ADCY6: variants seen among roughly 807,000 people sequenced by gnomAD.
ADCY6 encodes the protein adenylate cyclase type 6.
In ADCY6, 59 loss-of-function variants were observed where a neutral mutation model predicts 111.6. That is an observed-to-expected ratio of 0.53 (90% CI 0.43 to 0.66). ADCY6 has a LOEUF of 0.66. Among genes scored for constraint, ADCY6 ranks in the 30% least tolerant of loss-of-function variants. ADCY6 has a pLI of 0.00. For missense variants in ADCY6, 1,242 were observed against 1,595.6 expected, an observed-to-expected ratio of 0.78 and a Z score of 3.78; for synonymous variants, 576 against 642.9, an observed-to-expected ratio of 0.90 and a Z score of 1.57.
intron 15 of ADCY6, 80 bp from the exon 16 acceptor site, chr12:48,773,727 G>A: frequency 6.4e-7 from 1 of 1,567,726 alleles, no homozygotes; most frequent in East Asian, 2.3e-5. Context: ...GCACTCTCCT[G>A]CCTGACCTAA....
Position 48,771,818 on chromosome 12 carries a change from C to T in ADCY6, c.2943G>A (p.Met981Ile), listed in dbSNP as rs932653682. 4.4e-5 allele frequency: 71 copies of T among 1,614,084 alleles called. No individual in the cohort carries two copies. Among genetic ancestry groups the T allele is most frequent in the Non-Finnish European group, 5.8e-5 (68 of 1,180,050 alleles). The change falls in exon 19 of 22, where the codon ATG becomes ATA. Residue 981 changes from methionine to isoleucine, a missense_variant. Coordinates refer to ENST00000357869, the MANE Select transcript of ADCY6 (RefSeq NM_015270.5). The surrounding 1 kb of genome is among the most constrained non-coding windows in gnomAD (Gnocchi z 4.3). ...CAGAGAAGTTGGCAATGGAGGCAAA[C>T]ATAACAGCCACACACTCACACGACT... ...YYQSCECVAV[M>I]FASIANFSEF...
rs1941535562 is a variant in ADCY6, at chr12:48,771,345, A to G, written c.3051+365T>C. 2 of 482,144 alleles carry G rather than the reference A, an allele frequency of 4.1e-6. No homozygotes were observed. The highest frequency in any genetic ancestry group is 6.7e-5 in the Admixed American group (2 of 29,862). The allele number at this position is 482,144 out of a possible 1,614,324, so 29.9% of individuals were successfully genotyped here. The stretch of plus-strand genomic sequence containing the variant: ...ATCTGGATGTTCAGGACACTACCTC[A>G]CATTTTGCTTCAATTTTCTCTATTC... On this transcript the variant is annotated intron_variant, in intron 19 of 21. Transcript: ENST00000357869. This position sits in a 1 kb window ranked among gnomAD's most constrained non-coding sequence, Gnocchi z 4.3.
Position 48,784,665 on chromosome 12 carries a change from G to GTTTTTTTTTTTTTTT in ADCY6, c.-4-1242_-4-1228dup, listed in dbSNP as rs766502422. On this transcript the variant is annotated intron_variant, in intron 1 of 21. Coordinates refer to ENST00000357869, the MANE Select transcript of ADCY6 (RefSeq NM_015270.5). ...ACAGAAGCAGAAGAAAAAATCTGGA[G>GTTTTTTTTTTTTTTT]TTTTTTTTTTTTTTTTTTTTTTTTT... Among the ~76,000 whole-genome samples the GTTTTTTTTTTTTTTT allele has an allele frequency of 8.3e-5, 6 of 72,320 alleles. 1 individual carries two copies. Among genetic ancestry groups the GTTTTTTTTTTTTTTT allele is most frequent in the Admixed American group, 1.7e-4 (1 of 5,746 alleles). The allele number at this position is 72,320 out of a possible 152,430, so 47.4% of individuals were successfully genotyped here. A position where few individuals can be genotyped will look rare whatever the true frequency, so the allele number is the denominator to read the frequency against.
chr12:48,772,506 A>G lies in ADCY6; in HGVS notation c.2657+2T>C. On this transcript the variant is annotated splice_donor_variant, in intron 17 of 21. Coordinates refer to ENST00000357869, the MANE Select transcript of ADCY6 (RefSeq NM_015270.5). LOFTEE classifies it high-confidence loss of function. ...CTTTGCTGCCTCGGAGCCCTCACTTACCAGTCCAGCCCATCAAAGGTCTCA... is the reference window on the plus strand; with the variant it reads ...CTTTGCTGCCTCGGAGCCCTCACTTGCCAGTCCAGCCCATCAAAGGTCTCA... The G allele has an allele frequency of 6.2e-7, 1 of 1,614,178 alleles. No individual in the cohort carries two copies. The highest frequency in any genetic ancestry group is 8.5e-7 in the Non-Finnish European group (1 of 1,180,034).
At position 48,773,501 on chromosome 12, in the gene ADCY6, G is replaced by A. The variant is rs771642151; in HGVS notation, c.2589C>T (p.Asp863=). The change falls in exon 16 of 22, where the codon GAC becomes GAT. Residue 863 remains aspartate (D), a synonymous_variant. Coordinates refer to ENST00000357869, the MANE Select transcript of ADCY6 (RefSeq NM_015270.5). ...GGACGCCAAGCAGTAGGTCATAGTT[G>A]TCAAAGATGGTGGCTGGGGGACCCA... ...LLLGPPATIF[D]NYDLLLGVHG... The A allele has an allele frequency of 6.2e-7, 1 of 1,614,066 alleles. No homozygotes were observed. Among genetic ancestry groups the A allele is most frequent in the South Asian group, 1.1e-5 (1 of 91,084 alleles).
chr12:48,775,727 G>A lies in ADCY6; in HGVS notation c.1807-29C>T, dbSNP rs567753556. The stretch of plus-strand genomic sequence containing the variant: ...GAGAAAGGGACAGAGTGTGGAGTGA[G>A]GTGAAGGGCCAACAACCTTCATCTC... On this transcript the variant is annotated intron_variant, in intron 9 of 21. Transcript: ENST00000357869. The A allele has an allele frequency of 1.0e-4, 167 of 1,610,690 alleles. No homozygotes were observed. The Admixed American group carries it at 1.7e-3, about 17-fold the overall frequency.
At position 48,772,423 on chromosome 12, in the gene ADCY6, G is replaced by C; in HGVS notation, c.2659C>G (p.Pro887Ala). ...TTGAGGGCCACCCTCCCTGCAGCTGGACTAAGGATAAGCAGAGACATGCTT... is the reference window on the plus strand; with the variant it reads ...TTGAGGGCCACCCTCCCTGCAGCTGCACTAAGGATAAGCAGAGACATGCTT... ...SNETFDGLDC[P>A]AAGRVALKYM... Residue 887 changes from proline to alanine, a missense_variant and splice_region_variant, in exon 18 of 22, where the codon CCA (proline) becomes GCA (alanine). Around this residue, in one of 4 missense-constraint regions of ADCY6, gnomAD observed 375 missense variants for 432.5 expected, o/e 0.87. Coordinates refer to ENST00000357869, the MANE Select transcript of ADCY6 (RefSeq NM_015270.5). 6.2e-7 allele frequency: 1 copy of C among 1,614,148 alleles called. No homozygotes were observed. The highest frequency in any genetic ancestry group is 8.5e-7 in the Non-Finnish European group (1 of 1,180,000).
chr12:48,772,696 G>A (rs952878823), intron 16 of ADCY6, among the ~76,000 whole-genome samples, 153 bp from the exon 17 acceptor site: 5 of 152,194 alleles, frequency 3.3e-5, no homozygotes, highest in Admixed American at 1.3e-4. Flanking sequence ...AACTCATTAA[G>A]AGTAGAGGTT....
At chr12:48,785,527 G>A (rs1317412785) in intron 1 of ADCY6, among the ~76,000 whole-genome samples, 5 of 152,214 alleles carry the variant, frequency 3.3e-5, no homozygotes, top group Non-Finnish European at 7.3e-5. Context: ...GCTGAGGTGA[G>A]AGAATCACTT....
At position 48,784,754 on chromosome 12, in the gene ADCY6, G is replaced by C. The variant is rs535391300; in HGVS notation, c.-4-1316C>G. Among the ~76,000 whole-genome samples, 12 of 139,538 alleles carry C rather than the reference G, an allele frequency of 8.6e-5. No individual in the cohort carries two copies. In the East Asian group the frequency reaches 2.6e-3, roughly 30 times the overall value. 91.5% of individuals were successfully genotyped at this position (139,538 alleles called of 152,430 possible). A position where few individuals can be genotyped will look rare whatever the true frequency, so the allele number is the denominator to read the frequency against. On this transcript the variant is annotated intron_variant, in intron 1 of 21. Transcript: ENST00000357869. The stretch of plus-strand genomic sequence containing the variant: ...GTGGCACGATCTTGGCTCACTGCAA[G>C]CTCCGCCTCCCGGGTTCACACCATT...
chr12:48,771,832 A>T lies in ADCY6; in HGVS notation c.2929T>A (p.Cys977Ser), dbSNP rs540786987. ...NDELYYQSCE[C>S]VAVMFASIAN... ...ATGGAGGCAAACATAACAGCCACAC[A>T]CTCACACGACTGATAGTAGAGTTCA... Residue 977 changes from cysteine to serine, a missense_variant, in exon 19 of 22, where the codon TGT becomes AGT. By Grantham distance (112) the Cys-to-Ser change is moderately radical (BLOSUM62 -1). This residue lies in a region of ADCY6 where 245 missense variants were observed against 371.3 expected (regional missense o/e 0.66). Transcript: ENST00000357869. This position sits in a 1 kb window ranked among gnomAD's most constrained non-coding sequence, Gnocchi z 4.3. 2.5e-6 allele frequency: 4 copies of T among 1,613,936 alleles called. No individual in the cohort carries two copies. Among genetic ancestry groups the T allele is most frequent in the Non-Finnish European group, 1.7e-6 (2 of 1,179,992 alleles).
intron 1 of ADCY6, among the ~76,000 whole-genome samples, chr12:48,784,413 T>C (rs1173736233): frequency 6.6e-6 from 1 of 152,026 alleles, no homozygotes; most frequent in Non-Finnish European, 1.5e-5. Flanking sequence ...GAACCACGAT[T>C]CTAAACCAGA....
chr12:48,783,073 C>T lies in ADCY6; in HGVS notation c.362G>A (p.Arg121His), dbSNP rs890536754. The T allele has an allele frequency of 9.3e-6, 15 of 1,612,752 alleles. No individual in the cohort carries two copies. The highest frequency in any genetic ancestry group is 1.6e-4 in the Middle Eastern group (1 of 6,062). ...CTTCGACTGGAACACCTGCACCAGA[C>T]GGCGCCAGCAGGATCGCCCACTCCT... The part of the protein sequence containing the change: ...VPRSGRSCWR[R>H]LVQVFQSKQF... The change falls in exon 2 of 22, where the codon CGT (arginine) becomes CAT (histidine). Residue 121 changes from arginine (R) to histidine (H), a missense_variant. Transcript: ENST00000357869.
At chr12:48,775,253 C>A in intron 11 of ADCY6, 50 bp downstream of exon 11, 2 of 1,608,728 alleles carry the variant, frequency 1.2e-6, no homozygotes, top group Non-Finnish European at 1.7e-6. Flanking sequence ...TTCCCTGCTG[C>A]GACCTGCCCC....
chr12:48,773,815 T>G (rs1163628676), intron 15 of ADCY6, 125 bp downstream of exon 15: 1 of 1,451,232 alleles, frequency 6.9e-7, no homozygotes, highest in Non-Finnish European at 9.4e-7. Context: ...GGGCCCCTGG[T>G]TGCTCCTAGT....
In ADCY6 at chr12:48,777,741, C is replaced by T; in HGVS notation, c.1015-5G>A. On this transcript the variant is annotated splice_region_variant and splice_polypyrimidine_tract_variant and intron_variant, in intron 3 of 21. Coordinates refer to ENST00000357869, the MANE Select transcript of ADCY6 (RefSeq NM_015270.5). The surrounding 1 kb of genome is among the most constrained non-coding windows in gnomAD (Gnocchi z 4.9). ...TACCGACAGCAGCAGCCGCTCCTAG[C>T]CCAGTGGTTCCAATAGGGCATCACT... 6.2e-7 allele frequency: 1 copy of T among 1,613,914 alleles called. No homozygotes were observed. Among genetic ancestry groups the T allele is most frequent in the Non-Finnish European group, 8.5e-7 (1 of 1,179,926 alleles).
intron 1 of ADCY6, among the ~76,000 whole-genome samples, chr12:48,785,586 T>G (rs1245320899): frequency 2.0e-5 from 3 of 152,140 alleles, no homozygotes; most frequent in African/African-American, 7.2e-5. Context: ...ACCATTGCGC[T>G]CCAGCTTGGG....
chr12:48,783,406 G>C lies in ADCY6; in HGVS notation c.29C>G (p.Pro10Arg). The C allele has an allele frequency of 6.2e-7, 1 of 1,614,214 alleles. No homozygotes were observed. Among genetic ancestry groups the C allele is most frequent in the South Asian group, 1.1e-5 (1 of 91,088 alleles). The change falls in exon 2 of 22, where the codon CCT (proline) becomes CGT (arginine). Residue 10 changes from proline (P) to arginine (R), a missense_variant. Physicochemically the swap from Pro to Arg is moderately radical, Grantham distance 103 (BLOSUM62 -2). Transcript: ENST00000357869. ...GGCTGTTTTCCGTTCATCCACTTTA[G>C]GGACCAGGAGGCCACTAAACCATGA... MSWFSGLLV[P>R]KVDERKTAWG...
In ADCY6 at chr12:48,782,707, A is replaced by C; in HGVS notation, c.728T>G (p.Val243Gly). 1 of 1,592,850 alleles carries C rather than the reference A, an allele frequency of 6.3e-7. No individual in the cohort carries two copies. The highest frequency in any genetic ancestry group is 1.3e-5 in the African/African-American group (1 of 74,658). ...CGTGTAGGCGATGTAGACAAAGAAC[A>C]CAGGGCACCAGAGGCCCGCAGAGGG... ...RSPSAGLWCPVFFVYIAYTLL... is the reference protein window; with the variant it reads ...RSPSAGLWCPGFFVYIAYTLL... Residue 243 changes from valine (V) to glycine (G), a missense_variant, in exon 2 of 22, where the codon GTG (valine) becomes GGG (glycine). Physicochemically the swap from Val to Gly is moderately radical, Grantham distance 109 (BLOSUM62 -3). This residue lies in a region of ADCY6 where 362 missense variants were observed against 377.2 expected (regional missense o/e 0.96). Coordinates refer to ENST00000357869, the MANE Select transcript of ADCY6 (RefSeq NM_015270.5). This position sits in a 1 kb window ranked among gnomAD's most constrained non-coding sequence, Gnocchi z 4.3.
Sources: gnomAD v4.1 joint callset for allele counts (sites outside exome capture counted in the v4.1 genomes callset) on GRCh38, gnomAD v4.1.1 for gene constraint, gnomAD v4.1.1 regional missense constraint, Gnocchi (gnomAD v3.1) non-coding constraint, MANE v1.5 for transcripts, NCBI Gene and HGNC (gene_info 2026-07-23, HGNC 2026-07-21) for gene names.